RORA: variants seen among roughly 807,000 people sequenced by gnomAD.
The protein encoded by RORA is nuclear receptor ROR-alpha.
A neutral mutation model predicts 69.5 loss-of-function variants in RORA; 7 were observed. That is an observed-to-expected ratio of 0.10 (90% CI 0.06 to 0.19). The LOEUF (loss-of-function observed/expected upper bound fraction) is 0.19, where lower values mean the gene tolerates loss of function less well. Ranked by LOEUF, RORA falls within the 10% of genes least tolerant of loss-of-function variation. The pLI is 1.00. For synonymous variants in RORA, 261 were observed against 240.8 expected (o/e 1.08, Z -0.78); for missense variants, 457 against 663.0 (o/e 0.69, Z 3.41).
At chr15:60,722,077 A>C (rs2071301052) in intron 1 of RORA, among the ~76,000 whole-genome samples, 1 of 152,256 alleles carries the variant, frequency 6.6e-6, no homozygotes, top group African/African-American at 2.4e-5. Flanking sequence ...TACCTTTTCT[A>C]CTGAAAACCT....
chr15:60,824,284 G>A (rs1197018105), intron 1 of RORA, among the ~76,000 whole-genome samples: 1 of 152,210 alleles, frequency 6.6e-6, no homozygotes, highest in East Asian at 1.9e-4. Flanking sequence ...TTTTCCCCTA[G>A]TCCTTGTGTG....
rs1455710174 is a variant in RORA, at chr15:60,978,621, C to G, written c.166+250432G>C. Among the ~76,000 whole-genome samples the G allele has an allele frequency of 2.0e-5, 3 of 152,152 alleles. No individual in the cohort carries two copies. In the East Asian group the frequency reaches 5.8e-4, roughly 29 times the overall value. On this transcript the variant is annotated intron_variant, in intron 1 of 10. Transcript: ENST00000335670. Reference sequence around the variant, plus strand: ...AATCCAAAGTCCTGCAGATTTATACCTATGTTTCTTTCTAAGAGATTTATA... The same window carrying G: ...AATCCAAAGTCCTGCAGATTTATACGTATGTTTCTTTCTAAGAGATTTATA...
chr15:60,538,021 C>T (rs371030462), intron 2 of RORA, among the ~76,000 whole-genome samples: 11 of 152,126 alleles, frequency 7.2e-5, no homozygotes, highest in African/African-American at 2.7e-4. Flanking sequence ...GTATTATCAT[C>T]CCCATTTTAC....
chr15:60,851,602 T>A (rs908243559), intron 1 of RORA, among the ~76,000 whole-genome samples: 3 of 152,040 alleles, frequency 2.0e-5, no homozygotes, highest in African/African-American at 7.2e-5. Context: ...GGGAAGGAGG[T>A]AAACCTTGGC....
In RORA at chr15:61,006,024, A is replaced by G. The variant is rs577057626; in HGVS notation, c.166+223029T>C. Among the ~76,000 whole-genome samples the G allele has an allele frequency of 2.5e-3, 379 of 152,064 alleles. 6 individuals are homozygous for G. The highest frequency in any genetic ancestry group is 8.7e-3 in the African/African-American group (363 of 41,488). On this transcript the variant is annotated intron_variant, in intron 1 of 10. Coordinates refer to ENST00000335670, the MANE Select transcript of RORA (RefSeq NM_134261.3). ...TCGCTCTGTCACCAGGCTGGAGTGCAGTGGCGCGATCTTGGCTCACTGCAA... is the reference window on the plus strand; with the variant it reads ...TCGCTCTGTCACCAGGCTGGAGTGCGGTGGCGCGATCTTGGCTCACTGCAA...
chr15:60,761,191 G>A (rs988243110), intron 1 of RORA, among the ~76,000 whole-genome samples: 5 of 152,142 alleles, frequency 3.3e-5, no homozygotes, highest in South Asian at 2.1e-4. Flanking sequence ...GATGGAGGAC[G>A]TGGGGGTGCC....
chr15:60,805,458 G>A (rs1249201559), intron 1 of RORA, among the ~76,000 whole-genome samples: 1 of 152,168 alleles, frequency 6.6e-6, no homozygotes, highest in African/African-American at 2.4e-5. Context: ...GAGTCAGAAG[G>A]GACTGGGTTT....
chr15:61,112,391 G>A (rs1299774695), intron 1 of RORA, among the ~76,000 whole-genome samples: 1 of 152,158 alleles, frequency 6.6e-6, no homozygotes, highest in Non-Finnish European at 1.5e-5. Flanking sequence ...GTAGGAGAGT[G>A]TGCGCGTTTC....
chr15:61,198,882 C>T (rs1400690584), intron 1 of RORA, among the ~76,000 whole-genome samples: 2 of 152,144 alleles, frequency 1.3e-5, no homozygotes, highest in Non-Finnish European at 1.5e-5. Context: ...CCTTCTTTCA[C>T]TCACCCGCCA....
intron 1 of RORA, among the ~76,000 whole-genome samples, chr15:61,138,606 C>T (rs1045608155): frequency 6.6e-6 from 1 of 152,056 alleles, no homozygotes; most frequent in African/African-American, 2.4e-5. Flanking sequence ...AACTGCTACC[C>T]CTCAGCAAAA....
At chr15:61,225,281 A>G (rs868306431) in intron 1 of RORA, among the ~76,000 whole-genome samples, 7 of 152,270 alleles carry the variant, frequency 4.6e-5, no homozygotes, top group Middle Eastern at 3.4e-3. Context: ...CTTTCAAACT[A>G]TGGGGCATCA....
At chr15:60,753,595 T>C (rs907342382) in intron 1 of RORA, among the ~76,000 whole-genome samples, 15 of 152,328 alleles carry the variant, frequency 9.8e-5, no homozygotes. Flanking sequence ...GATGAGGAAA[T>C]TGAGCCCAGA....
At chr15:60,974,649 C>G (rs1893825706) in intron 1 of RORA, among the ~76,000 whole-genome samples, 1 of 152,204 alleles carries the variant, frequency 6.6e-6, no homozygotes, top group Non-Finnish European at 1.5e-5. Context: ...GAGTCTGTGC[C>G]AGGTTCCTTG....
At chr15:60,822,665 C>G (rs1478369446) in intron 1 of RORA, among the ~76,000 whole-genome samples, 1 of 152,200 alleles carries the variant, frequency 6.6e-6, no homozygotes, top group Non-Finnish European at 1.5e-5. Context: ...GATGTATACA[C>G]TAGCCAGTGC....
At chr15:61,181,774 G>C (rs1433795620) in intron 1 of RORA, among the ~76,000 whole-genome samples, 1 of 149,886 alleles carries the variant, frequency 6.7e-6, no homozygotes, top group Non-Finnish European at 1.5e-5. Flanking sequence ...ATGTTGCCCA[G>C]AATCTAATAT....
intron 2 of RORA, among the ~76,000 whole-genome samples, chr15:60,613,480 T>C (rs2069146232): frequency 6.6e-6 from 1 of 152,154 alleles, no homozygotes; most frequent in Non-Finnish European, 1.5e-5. Flanking sequence ...AACTTCATCC[T>C]TGGGAGCCTT....
At chr15:60,547,738 A>G (rs955376900) in intron 2 of RORA, 16 of 151,618 alleles carry the variant, frequency 1.1e-4, no homozygotes, top group African/African-American at 3.4e-4. Context: ...TAGGAGAACT[A>G]TGGCCACTAT....
chr15:61,127,314 A>G (rs906458478), intron 1 of RORA, among the ~76,000 whole-genome samples: 1 of 152,240 alleles, frequency 6.6e-6, no homozygotes, highest in Admixed American at 6.5e-5. Context: ...TGCAAGGAAT[A>G]TTAAATCTTC....
chr15:60,969,456 A>C (rs1381917904), intron 1 of RORA, among the ~76,000 whole-genome samples: 1 of 152,206 alleles, frequency 6.6e-6, no homozygotes, highest in Non-Finnish European at 1.5e-5. Context: ...AGCCATGCTT[A>C]AGAACCACTT....
Sources: allele counts gnomAD v4.1 joint callset (sites outside exome capture counted in the v4.1 genomes callset), GRCh38; gene constraint gnomAD v4.1.1; transcripts MANE v1.5; gene names NCBI Gene and HGNC (gene_info 2026-07-23, HGNC 2026-07-21).